Variants in SHMT1 observed in about 807,000 individuals in gnomAD.
The protein encoded by SHMT1 is serine hydroxymethyltransferase, cytosolic.
A neutral mutation model predicts 49.0 loss-of-function variants in SHMT1; 45 were observed. That is an observed-to-expected ratio of 0.92 (90% CI 0.72 to 1.18). The LOEUF (loss-of-function observed/expected upper bound fraction) is 1.18. SHMT1 is among the 50% of genes most tolerant of loss of function. The pLI is 0.00. For synonymous variants in SHMT1, 232 were observed against 246.6 expected (o/e 0.94, Z 0.55); for missense variants, 541 against 612.4 (o/e 0.88, Z 1.23).
chr17:18,352,984 G>A (rs937305609), intron 3 of SHMT1, among the ~76,000 whole-genome samples: 1 of 152,176 alleles, frequency 6.6e-6, no homozygotes, highest in Admixed American at 6.6e-5. Context: ...CACAATAGGA[G>A]AAAGACAATG....
In SHMT1 at chr17:18,332,759, C is replaced by T. The variant is rs140412123; in HGVS notation, c.1054+407G>A. 2.9e-5 allele frequency: 9 copies of T among 313,808 alleles called. No individual in the cohort carries two copies. The East Asian group carries it at 6.3e-4, about 22-fold the overall frequency. The allele number at this position is 313,808 out of a possible 1,614,324, so 19.4% of individuals were successfully genotyped here. A position where few individuals can be genotyped will look rare whatever the true frequency, so the allele number is the denominator to read the frequency against. The stretch of plus-strand genomic sequence containing the variant: ...GGAAACTGGGAGGGGAGAGCCCCTG[C>T]ACCCCCAGCTCAGCGGGGTGAGAGA... On this transcript the variant is annotated intron_variant, in intron 9 of 11. Coordinates refer to ENST00000316694, the MANE Select transcript of SHMT1 (RefSeq NM_004169.5).
intron 4 of SHMT1, 120 bp from the exon 5 acceptor site, chr17:18,347,776 T>C: frequency 9.2e-7 from 1 of 1,082,134 alleles, no homozygotes; most frequent in South Asian, 1.4e-5. Flanking sequence ...GTACCTTCCC[T>C]GAGCTCCAGG....
chr17:18,328,958 C>A (rs752110621), intron 11 of SHMT1, 39 bp from the exon 12 acceptor site: 2 of 1,612,140 alleles, frequency 1.2e-6, no homozygotes, highest in South Asian at 2.2e-5. Flanking sequence ...CCACACTACA[C>A]ACCAAAGGGG....
At chr17:18,346,872 G>A (rs1238198466) in intron 5 of SHMT1, among the ~76,000 whole-genome samples, 1 of 152,164 alleles carries the variant, frequency 6.6e-6, no homozygotes, top group Non-Finnish European at 1.5e-5. Context: ...ATGGTCGTAT[G>A]GGGGGCTTGA....
In SHMT1 at chr17:18,327,918, T is replaced by C. The variant is rs1982740282; in HGVS notation, c.*832A>G. On this transcript the variant is annotated 3_prime_UTR_variant, in exon 12 of 12. Coordinates refer to ENST00000316694, the MANE Select transcript of SHMT1 (RefSeq NM_004169.5). ...TATTTGAGTTCAAATATTTTTGAAA[T>C]ATAAAAATTGGTTGTATTTTTTAAA... The C allele has an allele frequency of 6.6e-6, 1 of 152,654 alleles. No individual in the cohort carries two copies. The highest frequency in any genetic ancestry group is 2.4e-5 in the African/African-American group (1 of 41,462). 9.5% of individuals were successfully genotyped at this position (152,654 alleles called of 1,614,324 possible).
intron 1 of SHMT1, among the ~76,000 whole-genome samples, chr17:18,356,305 G>A (rs776964605): frequency 2.0e-5 from 3 of 152,036 alleles, no homozygotes; most frequent in Non-Finnish European, 4.4e-5. Context: ...GCTTCCCAAA[G>A]TGCTGGGATT....
chr17:18,347,117 C>T (rs1424021255), intron 5 of SHMT1, among the ~76,000 whole-genome samples: 2 of 152,202 alleles, frequency 1.3e-5, no homozygotes, highest in Admixed American at 6.5e-5. Flanking sequence ...ACAGGGGCTC[C>T]GAGCAGAGAT....
chr17:18,346,777 T>C (rs1031752659), intron 5 of SHMT1, among the ~76,000 whole-genome samples: 20 of 152,222 alleles, frequency 1.3e-4, no homozygotes, highest in Admixed American at 3.3e-4. Flanking sequence ...CTGGGCAAGA[T>C]AGTCAAACAC....
chr17:18,361,890 A>G (rs544531155), intron 1 of SHMT1, among the ~76,000 whole-genome samples: 120 of 152,252 alleles, frequency 7.9e-4, no homozygotes, highest in African/African-American at 2.8e-3. Flanking sequence ...AACATCAGTC[A>G]TTACAACATT....
chr17:18,354,605 A>G (rs1986044454), intron 2 of SHMT1, among the ~76,000 whole-genome samples: 1 of 152,124 alleles, frequency 6.6e-6, no homozygotes, highest in African/African-American at 2.4e-5. Context: ...TCAGAAAAAG[A>G]AAAACAAAAT....
In SHMT1 at chr17:18,340,643, T is replaced by A. The variant is rs1380141011; in HGVS notation, c.601+89A>T. 8.6e-7 allele frequency: 1 copy of A among 1,165,078 alleles called. No individual in the cohort carries two copies. The allele number at this position is 1,165,078 out of a possible 1,614,324, so 72.2% of individuals were successfully genotyped here. On this transcript the variant is annotated intron_variant, in intron 6 of 11. Coordinates refer to ENST00000316694, the MANE Select transcript of SHMT1 (RefSeq NM_004169.5). The surrounding 1 kb of genome is among the most constrained non-coding windows in gnomAD (Gnocchi z 4.5). The stretch of plus-strand genomic sequence containing the variant: ...TCCAGGGCAGAAACTAGCAGTGGGC[T>A]CAACAGGGTGCGAACATCTTTCCAT...
intron 1 of SHMT1, among the ~76,000 whole-genome samples, chr17:18,358,166 A>G (rs1342877101): frequency 6.8e-6 from 1 of 147,160 alleles, no homozygotes; most frequent in Non-Finnish European, 1.5e-5. Flanking sequence ...AAAAAAAAAA[A>G]GAACTAAAGA....
At position 18,340,572 on chromosome 17, in the gene SHMT1, G is replaced by A; in HGVS notation, c.601+160C>T. On this transcript the variant is annotated intron_variant, in intron 6 of 11. Coordinates refer to ENST00000316694, the MANE Select transcript of SHMT1 (RefSeq NM_004169.5). The surrounding 1 kb of genome is among the most constrained non-coding windows in gnomAD (Gnocchi z 4.5). ...CACAAAAAGCAGCAAACACACATCTGTATCCTGAAAGAAACTAATATATGT... is the reference window on the plus strand; with the variant it reads ...CACAAAAAGCAGCAAACACACATCTATATCCTGAAAGAAACTAATATATGT... The A allele has an allele frequency of 1.4e-6, 1 of 727,718 alleles. No individual in the cohort carries two copies. Among genetic ancestry groups the A allele is most frequent in the South Asian group, 1.5e-5 (1 of 67,108 alleles). The allele number at this position is 727,718 out of a possible 1,614,324, so 45.1% of individuals were successfully genotyped here. A position where few individuals can be genotyped will look rare whatever the true frequency, so the allele number is the denominator to read the frequency against.
chr17:18,348,463 T>C, intron 3 of SHMT1, 23 bp from the exon 4 acceptor site: 1 of 1,537,278 alleles, frequency 6.5e-7, no homozygotes, highest in Non-Finnish European at 9.0e-7. Flanking sequence ...AGCAGGAGAC[T>C]TAGATCCACT....
At chr17:18,348,637 C>T (rs1434301439) in intron 3 of SHMT1, 197 bp from the exon 4 acceptor site, 2 of 700,966 alleles carry the variant, frequency 2.9e-6, no homozygotes, top group Admixed American at 1.8e-5. Context: ...AGTCAAGAGA[C>T]CAAACCAGCT....
In SHMT1 at chr17:18,348,396, C is replaced by T; in HGVS notation, c.287G>A (p.Cys96Tyr). 6.2e-7 allele frequency: 1 copy of T among 1,614,052 alleles called. No individual in the cohort carries two copies. The highest frequency in any genetic ancestry group is 8.5e-7 in the Non-Finnish European group (1 of 1,179,932). The part of the protein sequence containing the change: ...TEFIDELETL[C>Y]QKRALQAYKL... ...ATAGGCCTGCAGGGCTCGCTTCTGA[C>T]AGAGGGTCTCCAGTTCATCAATAAA... Residue 96 changes from cysteine (C) to tyrosine (Y), a missense_variant, in exon 4 of 12, where the codon TGT becomes TAT. By Grantham distance (194) the Cys-to-Tyr change is radical. Transcript: ENST00000316694.
intron 1 of SHMT1, among the ~76,000 whole-genome samples, chr17:18,361,460 A>G (rs1396859120): frequency 6.6e-6 from 1 of 150,992 alleles, no homozygotes; most frequent in East Asian, 2.0e-4. Flanking sequence ...CCTGGGTGAC[A>G]GAGCTAGACT....
chr17:18,356,318 A>G (rs759904596), intron 1 of SHMT1, among the ~76,000 whole-genome samples: 4 of 152,046 alleles, frequency 2.6e-5, no homozygotes, highest in Non-Finnish European at 5.9e-5. Flanking sequence ...CTGGGATTAC[A>G]GGTGTCAGCC....
chr17:18,350,149 A>G (rs1219277298), intron 3 of SHMT1, among the ~76,000 whole-genome samples: 1 of 152,074 alleles, frequency 6.6e-6, no homozygotes, highest in African/African-American at 2.4e-5. Flanking sequence ...TAACATGGTG[A>G]AACCCCGTCT....
Sources: allele counts gnomAD v4.1 joint callset (sites outside exome capture counted in the v4.1 genomes callset), GRCh38; gene constraint gnomAD v4.1.1; non-coding constraint Gnocchi (gnomAD v3.1); transcripts MANE v1.5; gene names NCBI Gene and HGNC (gene_info 2026-07-23, HGNC 2026-07-21).